The following DSCAML1 variants were observed in gnomAD, a reference collection of about 807,000 sequenced individuals.
The protein encoded by DSCAML1 is DS cell adhesion molecule like 1.
A neutral mutation model predicts 200.5 loss-of-function variants in DSCAML1; 38 were observed. The ratio of observed to expected loss-of-function variants is 0.19; its 90% CI spans 0.15 to 0.25. The LOEUF (loss-of-function observed/expected upper bound fraction) is 0.25, where lower values mean the gene tolerates loss of function less well. DSCAML1 is among the 10% of genes least tolerant of loss of function. The probability of loss-of-function intolerance (pLI) is 1.00; values close to 1 mark genes in which losing one functional copy is unlikely to be tolerated. For missense variants in DSCAML1, 2,223 were observed against 2,858.8 expected, an observed-to-expected ratio of 0.78 and a Z score of 5.07; for synonymous variants, 1,215 against 1,165.0, an observed-to-expected ratio of 1.04 and a Z score of -0.87.
intron 3 of DSCAML1, among the ~76,000 whole-genome samples, chr11:117,690,464 C>T (rs977593456): frequency 1.3e-5 from 2 of 152,268 alleles, no homozygotes; most frequent in South Asian, 2.1e-4. Flanking sequence ...CAACATCAGT[C>T]GCATTGGATA....
Position 117,713,801 on chromosome 11 carries a change from G to A in DSCAML1, c.511+62990C>T, listed in dbSNP as rs368103189. On this transcript the variant is annotated intron_variant, in intron 3 of 32. Transcript: ENST00000651296. ...CAGCAGCCTGTGGCTGTGTGGAGGTGGTGGTGGGTGGTGGGCAGTGGTGGT... is the reference window on the plus strand; with the variant it reads ...CAGCAGCCTGTGGCTGTGTGGAGGTAGTGGTGGGTGGTGGGCAGTGGTGGT... Among the ~76,000 whole-genome samples, 1,238 of 152,164 alleles carry A rather than the reference G, an allele frequency of 8.1e-3. 9 individuals are homozygous for A. Among genetic ancestry groups the A allele is most frequent in the South Asian group, 0.037 (176 of 4,818 alleles).
chr11:117,512,047 C>T (rs1295769680), intron 8 of DSCAML1, among the ~76,000 whole-genome samples: 2 of 152,244 alleles, frequency 1.3e-5, no homozygotes, highest in Admixed American at 1.3e-4. Context: ...GTTTTTCCGG[C>T]TCATGGAGCA....
At chr11:117,560,535 G>A (rs771283928) in intron 3 of DSCAML1, among the ~76,000 whole-genome samples, 5 of 152,176 alleles carry the variant, frequency 3.3e-5, no homozygotes, top group Non-Finnish European at 7.3e-5. Context: ...TCACGGGAAA[G>A]CCAGACTCAG....
chr11:117,507,362 T>G (rs1010817567), intron 8 of DSCAML1, among the ~76,000 whole-genome samples: 1 of 152,142 alleles, frequency 6.6e-6, no homozygotes, highest in Non-Finnish European at 1.5e-5. Context: ...GGATGGGCTC[T>G]GGGGGCAAAG....
At chr11:117,587,189 G>A (rs1218040085) in intron 3 of DSCAML1, among the ~76,000 whole-genome samples, 1 of 151,606 alleles carries the variant, frequency 6.6e-6, no homozygotes, top group African/African-American at 2.4e-5. Context: ...CCTAGTAACT[G>A]AAATAGCTGA....
At chr11:117,689,735 C>A (rs1022154422) in intron 3 of DSCAML1, among the ~76,000 whole-genome samples, 1 of 152,214 alleles carries the variant, frequency 6.6e-6, no homozygotes, top group Admixed American at 6.5e-5. Flanking sequence ...CTGCTGGAGA[C>A]CTGGATTCAA....
intron 8 of DSCAML1, among the ~76,000 whole-genome samples, chr11:117,512,209 C>T (rs1375478685): frequency 6.6e-6 from 1 of 152,232 alleles, no homozygotes; most frequent in African/African-American, 2.4e-5. Flanking sequence ...GCTCTCTGCT[C>T]TGAACCTTGA....
chr11:117,792,338 T>C (rs548636513), intron 1 of DSCAML1, among the ~76,000 whole-genome samples: 76 of 152,024 alleles, frequency 5.0e-4, no homozygotes, highest in Non-Finnish European at 9.3e-4. Context: ...GACAAAACCA[T>C]TCCCGAGGCC....
rs879773645 is a variant in DSCAML1, at chr11:117,512,667, CACACACACACACACACACAT to C, written c.1783+3780_1783+3799del. On this transcript the variant is annotated intron_variant, in intron 8 of 32. Coordinates refer to ENST00000651296, the MANE Select transcript of DSCAML1 (RefSeq NM_020693.4). ...GTACACACACACACACACACACACA[CACACACACACACACACACAT>C]GCCTGCTATGCACAGCTTATGCTGG... 9.9e-3 allele frequency among the ~76,000 whole-genome samples: 1,349 copies of C among 136,294 alleles called. 20 individuals carry two copies. The highest frequency in any genetic ancestry group is 0.031 in the African/African-American group (1,135 of 36,286). The allele number at this position is 136,294 out of a possible 152,430, so 89.4% of individuals were successfully genotyped here.
chr11:117,557,369 C>T (rs2050577230), intron 3 of DSCAML1, among the ~76,000 whole-genome samples: 4 of 152,132 alleles, frequency 2.6e-5, no homozygotes, highest in Admixed American at 2.0e-4. Context: ...ACCCTGCTCT[C>T]CACCTTCTTC....
At position 117,437,743 on chromosome 11, in the gene DSCAML1, G is replaced by A. The variant is rs1053918280; in HGVS notation, c.4432+152C>T. 32 of 911,434 alleles carry A rather than the reference G, an allele frequency of 3.5e-5. No homozygotes were observed. In the Admixed American group the frequency reaches 4.4e-4, roughly 13 times the overall value. The allele number at this position is 911,434 out of a possible 1,614,324, so 56.5% of individuals were successfully genotyped here. On this transcript the variant is annotated intron_variant, in intron 25 of 32. Coordinates refer to ENST00000651296, the MANE Select transcript of DSCAML1 (RefSeq NM_020693.4). This position sits in a 1 kb window ranked among gnomAD's most constrained non-coding sequence, Gnocchi z 5.3. ...GGATCCATCGGGACACTGTGGTGAC[G>A]GGAAGGAGGCTGAGGCTCCTCCCTT...
chr11:117,686,825 A>G (rs721486), intron 3 of DSCAML1, among the ~76,000 whole-genome samples: 22,912 of 152,180 alleles, frequency 0.15, 2,689 homozygotes, highest in African/African-American at 0.33. Flanking sequence ...CTGCCATACC[A>G]TCTACAAGCC....
chr11:117,757,700 G>A (rs372477712), intron 3 of DSCAML1, among the ~76,000 whole-genome samples: 3 of 151,984 alleles, frequency 2.0e-5, no homozygotes, highest in Non-Finnish European at 4.4e-5. Flanking sequence ...CCTTGTGGCC[G>A]GGCATGATGG....
At chr11:117,578,881 G>C (rs1159792455) in intron 3 of DSCAML1, among the ~76,000 whole-genome samples, 1 of 152,088 alleles carries the variant, frequency 6.6e-6, no homozygotes, top group African/African-American at 2.4e-5. Flanking sequence ...AAGTGATCAT[G>C]TTCAGCACAG....
chr11:117,719,351 G>A (rs2054007304), intron 3 of DSCAML1, among the ~76,000 whole-genome samples: 1 of 152,236 alleles, frequency 6.6e-6, no homozygotes, highest in Non-Finnish European at 1.5e-5. Context: ...GGCTGAGGCA[G>A]GAGAATCACT....
intron 16 of DSCAML1, among the ~76,000 whole-genome samples, chr11:117,467,197 C>CCG (rs1449737204): frequency 8.1e-6 from 1 of 123,230 alleles, no homozygotes; most frequent in African/African-American, 3.4e-5. Flanking sequence ...ACACACACCT[C>CCG]CCCCCTCCCC....
intron 1 of DSCAML1, among the ~76,000 whole-genome samples, chr11:117,782,011 C>G (rs897206749): frequency 6.6e-6 from 1 of 152,210 alleles, no homozygotes; most frequent in Non-Finnish European, 1.5e-5. Flanking sequence ...GGACACCAAC[C>G]CAGAGGAAGA....
At chr11:117,543,611 T>G (rs1271313831) in intron 3 of DSCAML1, among the ~76,000 whole-genome samples, 1 of 152,062 alleles carries the variant, frequency 6.6e-6, no homozygotes, top group African/African-American at 2.4e-5. Context: ...TATTTGGAGG[T>G]TTGAGACCTG....
chr11:117,736,754 A>C (rs1456067158), intron 3 of DSCAML1, among the ~76,000 whole-genome samples: 1 of 152,178 alleles, frequency 6.6e-6, no homozygotes, highest in Non-Finnish European at 1.5e-5. Context: ...CATTGGCCCC[A>C]TCTCCTCATT....
Sources: gnomAD v4.1 joint callset for allele counts (sites outside exome capture counted in the v4.1 genomes callset) on GRCh38, gnomAD v4.1.1 for gene constraint, Gnocchi (gnomAD v3.1) non-coding constraint, MANE v1.5 for transcripts, NCBI Gene and HGNC (gene_info 2026-07-23, HGNC 2026-07-21) for gene names.